IFI27L1: variants seen among roughly 807,000 people sequenced by gnomAD.
IFI27L1 encodes the protein interferon alpha-inducible protein 27-like protein 1.
IFI27L1 carries 3 observed loss-of-function variants against 9.2 expected under a neutral mutation model. The ratio of observed to expected loss-of-function variants is 0.32; its 90% CI spans 0.15 to 0.84. The LOEUF (loss-of-function observed/expected upper bound fraction) is 0.84. Ranked by LOEUF, IFI27L1 falls within the 40% of genes least tolerant of loss-of-function variation. IFI27L1 has a pLI of 0.56. For missense variants in IFI27L1, 133 were observed against 134.2 expected (o/e 0.99, Z 0.05); for synonymous variants, 53 against 50.0 (o/e 1.06, Z -0.26).
chr14:94,100,811 G>T, intron 3 of IFI27L1, 40 bp downstream of exon 3: 1 of 1,606,350 alleles, frequency 6.2e-7, no homozygotes. Context: ...CCCATCCCCC[G>T]CCTCCCCCCA....
intron 1 of IFI27L1, 57 bp downstream of exon 1, chr14:94,081,506 G>C (rs770129779): frequency 1.3e-5 from 2 of 152,664 alleles, no homozygotes; most frequent in Non-Finnish European, 2.9e-5. Flanking sequence ...TCTCGATCCA[G>C]ACCCCAAGAG....
chr14:94,096,855 G>T (rs1292103698), intron 1 of IFI27L1, 32 bp from the exon 2 acceptor site: 5 of 1,272,158 alleles, frequency 3.9e-6, no homozygotes, highest in Non-Finnish European at 5.7e-6. Context: ...ATTCAAACCA[G>T]ATCCTGAATA....
At position 94,101,970 on chromosome 14, in the gene IFI27L1, C is replaced by G. The variant is rs537159389; in HGVS notation, c.218C>G (p.Ser73Ter). 6.2e-7 allele frequency: 1 copy of G among 1,614,222 alleles called. No homozygotes were observed. The highest frequency in any genetic ancestry group is 1.1e-5 in the South Asian group (1 of 91,082). Residue 73 changes from serine to a stop codon, truncating the protein, a stop_gained, in exon 4 of 5, where the codon TCA becomes TGA. Coordinates refer to ENST00000555523, the MANE Select transcript of IFI27L1 (RefSeq NM_206949.3). LOFTEE classifies it low-confidence loss of function (END_TRUNC). ...AAGSLVAILQ[S>*]VGAAGLSVTS... ...GGCAGTCTGGTGGCTATTCTGCAGT[C>G]AGTGGGTGAGTGTTCTGGACAGGAT...
At position 94,095,554 on chromosome 14, in the gene IFI27L1, C is replaced by T. The variant is rs113703706; in HGVS notation, c.-51-1333C>T. Among the ~76,000 whole-genome samples the T allele has an allele frequency of 7.2e-3, 1,097 of 152,256 alleles. 11 individuals carry two copies. The highest frequency in any genetic ancestry group is 0.071 in the Middle Eastern group (21 of 294). ...GTAGGTTATACAAGCATGGCACCAA[C>T]GTCTGCTCAGCTTCTGGTGAGGCCT... On this transcript the variant is annotated intron_variant, in intron 1 of 4. Coordinates refer to ENST00000555523, the MANE Select transcript of IFI27L1 (RefSeq NM_206949.3).
At chr14:94,084,442 C>T (rs968386448) in intron 1 of IFI27L1, among the ~76,000 whole-genome samples, 11 of 152,176 alleles carry the variant, frequency 7.2e-5, no homozygotes, top group Non-Finnish European at 1.3e-4. Flanking sequence ...GTCAAGGCTG[C>T]AGTGAGCCAT....
chr14:94,087,235 A>G (rs950745058), intron 1 of IFI27L1, among the ~76,000 whole-genome samples: 28 of 152,236 alleles, frequency 1.8e-4, no homozygotes, highest in African/African-American at 6.5e-4. Flanking sequence ...GAGGTTGGGC[A>G]GGTAGTTTCT....
chr14:94,095,380 A>G (rs556217044), intron 1 of IFI27L1, among the ~76,000 whole-genome samples: 2 of 152,240 alleles, frequency 1.3e-5, no homozygotes, highest in South Asian at 2.1e-4. Flanking sequence ...GAAATACTCA[A>G]TGTCTACTTG....
intron 3 of IFI27L1, chr14:94,101,200 G>A (rs1886882069): frequency 3.2e-6 from 1 of 314,424 alleles, no homozygotes. Context: ...CTGCTATAAA[G>A]CAGTGTCCTC....
rs1369453272 is a variant in IFI27L1, at chr14:94,096,405, T to A, written c.-51-482T>A. On this transcript the variant is annotated intron_variant, in intron 1 of 4. Transcript: ENST00000555523. Reference sequence around the variant, plus strand: ...GGGTGTATAAATATCTATTCAAGACTATGCTTTCAGCCGGGTGCAGTGGCT... The same window carrying A: ...GGGTGTATAAATATCTATTCAAGACAATGCTTTCAGCCGGGTGCAGTGGCT... 2.6e-5 allele frequency among the ~76,000 whole-genome samples: 4 copies of A among 152,308 alleles called. No individual in the cohort carries two copies. The East Asian group carries it at 7.7e-4, about 29-fold the overall frequency.
chr14:94,100,539 A>G, intron 2 of IFI27L1, 200 bp from the exon 3 acceptor site: 1 of 985,382 alleles, frequency 1.0e-6, no homozygotes, highest in Non-Finnish European at 1.2e-6. Flanking sequence ...GGACCTGGGG[A>G]GGCTTCCTGC....
intron 1 of IFI27L1, among the ~76,000 whole-genome samples, chr14:94,094,055 G>A (rs1021810604): frequency 6.6e-6 from 1 of 152,092 alleles, no homozygotes; most frequent in African/African-American, 2.4e-5. Context: ...GGAAAGGAGG[G>A]AAAATGAGCC....
At chr14:94,091,005 G>T (rs761773818) in intron 1 of IFI27L1, among the ~76,000 whole-genome samples, 1 of 152,158 alleles carries the variant, frequency 6.6e-6, no homozygotes, top group Non-Finnish European at 1.5e-5. Context: ...CTCTGTAAAA[G>T]ATCAGGAAAA....
At chr14:94,087,628 G>A (rs974677459) in intron 1 of IFI27L1, among the ~76,000 whole-genome samples, 3 of 151,972 alleles carry the variant, frequency 2.0e-5, no homozygotes, top group African/African-American at 2.4e-5. Flanking sequence ...GTGTTTCACC[G>A]TGTTAGCCAG....
chr14:94,082,151 T>C (rs7153103), intron 1 of IFI27L1, among the ~76,000 whole-genome samples: 47,405 of 152,136 alleles, frequency 0.31, 7,652 homozygotes, highest in Admixed American at 0.38. Context: ...AGTTTATTGC[T>C]GATTTGGAGA....
At chr14:94,100,583 G>A in intron 2 of IFI27L1, 156 bp from the exon 3 acceptor site, 1 of 985,402 alleles carries the variant, frequency 1.0e-6, no homozygotes, top group Non-Finnish European at 1.2e-6. Context: ...TGAGGATGGG[G>A]CCTTCACCTC....
intron 4 of IFI27L1, 80 bp downstream of exon 4, chr14:94,102,055 T>G (rs780026517): frequency 1.4e-6 from 2 of 1,440,436 alleles, no homozygotes; most frequent in African/African-American, 1.4e-5. Flanking sequence ...CTCCTCTCCC[T>G]GCAGGTCCGT....
chr14:94,101,009 A>G, intron 3 of IFI27L1: 2 of 605,254 alleles, frequency 3.3e-6, no homozygotes, highest in East Asian at 5.5e-5. Flanking sequence ...CCAAGTACAA[A>G]CCATGCAACC....
intron 2 of IFI27L1, among the ~76,000 whole-genome samples, chr14:94,099,501 G>A (rs1171953550): frequency 3.3e-5 from 5 of 152,128 alleles, no homozygotes; most frequent in Admixed American, 6.5e-5. Context: ...GCAGCCACAG[G>A]CCCGGAGCAC....
chr14:94,096,954 G>A lies in IFI27L1; in HGVS notation c.17G>A (p.Gly6Glu), dbSNP rs765960948. 1 of 1,613,694 alleles carries A rather than the reference G, an allele frequency of 6.2e-7. No homozygotes were observed. Reference protein sequence around the residue: MGKESGWDSGRAAVAA... With the variant: MGKESEWDSGRAAVAA... ...GGGCCAACCATGGGAAAGGAGAGTG[G>A]ATGGGACTCAGGTGGGTACTGCACA... is the stretch of plus-strand genomic sequence containing the variant. The change falls in exon 2 of 5, where the codon GGA becomes GAA. Residue 6 changes from glycine (G) to glutamate (E), a missense_variant. Gly to Glu is a moderately conservative substitution (Grantham distance 98). Transcript: ENST00000555523.
Sources: gnomAD v4.1 joint callset for allele counts (sites outside exome capture counted in the v4.1 genomes callset) on GRCh38, gnomAD v4.1.1 for gene constraint, MANE v1.5 for transcripts, NCBI Gene and HGNC (gene_info 2026-07-23, HGNC 2026-07-21) for gene names.